Variants in SLC2A9 observed in about 807,000 individuals in gnomAD.
SLC2A9 encodes the protein solute carrier family 2 member 9.
In SLC2A9, 39 loss-of-function variants were observed where a neutral mutation model predicts 50.6. The ratio of observed to expected loss-of-function variants is 0.77; its 90% CI spans 0.60 to 1.01. The LOEUF is 1.01. SLC2A9 is among the 50% of genes least tolerant of loss of function. The pLI is 0.00. For missense variants in SLC2A9, 686 were observed against 677.6 expected, an observed-to-expected ratio of 1.01 and a Z score of -0.14; for synonymous variants, 324 against 276.9, an observed-to-expected ratio of 1.17 and a Z score of -1.69.
chr4:9,974,085 A>C (rs917408793), intron 5 of SLC2A9, among the ~76,000 whole-genome samples: 3 of 152,196 alleles, frequency 2.0e-5, no homozygotes, highest in African/African-American at 7.2e-5. Context: ...AAATCCAACA[A>C]GCCTTAATGA....
chr4:9,809,977 C>T (rs1174722390), intron 3 of SLC2A9, among the ~76,000 whole-genome samples: 1 of 151,820 alleles, frequency 6.6e-6, no homozygotes, highest in Non-Finnish European at 1.5e-5. Context: ...CCACGAGTAA[C>T]ATTTTGATGC....
At chr4:9,794,003 G>T (rs1390998474) in intron 3 of SLC2A9, among the ~76,000 whole-genome samples, 1 of 152,186 alleles carries the variant, frequency 6.6e-6, no homozygotes, top group African/African-American at 2.4e-5. Context: ...TTAAGTAAAT[G>T]ATTAAACGTT....
At chr4:9,811,259 C>T (rs1283333449) in intron 3 of SLC2A9, among the ~76,000 whole-genome samples, 1 of 152,216 alleles carries the variant, frequency 6.6e-6, no homozygotes, top group African/African-American at 2.4e-5. Flanking sequence ...CTGCATGCCC[C>T]TTTGGGATGT....
At chr4:9,783,415 G>T in intron 3 of SLC2A9, 1 of 1,613,886 alleles carries the variant, frequency 6.2e-7, no homozygotes. Flanking sequence ...GCGAGGGGGA[G>T]ATTTCTTTAG....
At chr4:9,953,642 A>G (rs1750694730) in intron 5 of SLC2A9, among the ~76,000 whole-genome samples, 1 of 152,198 alleles carries the variant, frequency 6.6e-6, no homozygotes, top group South Asian at 2.1e-4. Flanking sequence ...TTGTTTTTTG[A>G]GACAGGGTCT....
chr4:9,799,748 G>A (rs530898207), intron 3 of SLC2A9, among the ~76,000 whole-genome samples: 6 of 124,802 alleles, frequency 4.8e-5, no homozygotes, highest in Non-Finnish European at 9.3e-5. Context: ...GTAATCTCAT[G>A]ACCTACAGGT....
At chr4:9,880,826 G>A (rs777388859) in intron 10 of SLC2A9, among the ~76,000 whole-genome samples, 7 of 152,170 alleles carry the variant, frequency 4.6e-5, no homozygotes, top group Non-Finnish European at 1.0e-4. Context: ...CCTTTGCAGG[G>A]GTGGCACTGT....
chr4:9,940,310 G>T (rs866650261), intron 6 of SLC2A9, among the ~76,000 whole-genome samples: 11 of 152,238 alleles, frequency 7.2e-5, no homozygotes, highest in African/African-American at 2.6e-4. Context: ...CTCCTCACTG[G>T]CCACATGGGA....
intron 10 of SLC2A9, among the ~76,000 whole-genome samples, chr4:9,886,111 G>A (rs758058238): frequency 2.8e-4 from 42 of 152,172 alleles, no homozygotes; most frequent in Non-Finnish European, 5.4e-4. Context: ...AGGCCTCACT[G>A]AGCAGCTGAC....
intron 8 of SLC2A9, among the ~76,000 whole-genome samples, chr4:9,906,186 T>G (rs1740629686): frequency 6.6e-6 from 1 of 152,196 alleles, no homozygotes; most frequent in Non-Finnish European, 1.5e-5. Flanking sequence ...GTGGGGAAAC[T>G]GAGTCACAGA....
chr4:9,905,257 T>C (rs937214556), intron 8 of SLC2A9, among the ~76,000 whole-genome samples: 6 of 152,248 alleles, frequency 3.9e-5, no homozygotes, highest in African/African-American at 1.2e-4. Flanking sequence ...CCTGCACCTC[T>C]AGAACAGCAA....
intron 5 of SLC2A9, among the ~76,000 whole-genome samples, chr4:9,947,368 G>A (rs1749376571): frequency 6.6e-6 from 1 of 152,162 alleles, no homozygotes; most frequent in Non-Finnish European, 1.5e-5. Context: ...AGGCTGCTCT[G>A]CATATTTGTG....
intron 3 of SLC2A9, among the ~76,000 whole-genome samples, chr4:9,805,002 G>T (rs1169325985): frequency 6.6e-6 from 1 of 152,164 alleles, no homozygotes; most frequent in Non-Finnish European, 1.5e-5. Context: ...GGGGCCCCAG[G>T]GGAAATGTGG....
chr4:10,012,661 A>C (rs2109449889), intron 2 of SLC2A9, among the ~76,000 whole-genome samples: 1 of 152,290 alleles, frequency 6.6e-6, no homozygotes, highest in South Asian at 2.1e-4. Context: ...CAGAGGCAAG[A>C]AGTAATCAAA....
intron 8 of SLC2A9, among the ~76,000 whole-genome samples, chr4:9,907,422 T>C (rs1443735267): frequency 6.6e-6 from 1 of 152,214 alleles, no homozygotes; most frequent in African/African-American, 2.4e-5. Context: ...CTCCACCAGA[T>C]GTTTGTTTTG....
intron 2 of SLC2A9, chr4:10,006,350 A>G (rs1289919201): frequency 6.6e-6 from 1 of 152,252 alleles, no homozygotes; most frequent in East Asian, 1.9e-4. Context: ...AACGATTCTC[A>G]GGAGTCCTGT....
rs1350117635 is a variant in SLC2A9 at position 9,924,816 on chromosome 4, G to A, written c.815-4244C>T. 2.6e-5 allele frequency among the ~76,000 whole-genome samples: 4 copies of A among 152,144 alleles called. 1 individual carries two copies. The South Asian group carries it at 6.2e-4, about 24-fold the overall frequency. On this transcript the variant is annotated intron_variant, in intron 6 of 11. Transcript: ENST00000264784. ...TCACATAACCCAGACACTGCCTTCC[G>A]TGTCTGATTTGTCTGATCTAGTGAC...
At chr4:9,823,115 C>T (rs1049996346), downstream of SLC2A9, among the ~76,000 whole-genome samples, 5 of 152,128 alleles carry the variant, frequency 3.3e-5, no homozygotes, top group African/African-American at 1.2e-4. Context: ...AGTGTGCTTA[C>T]TTAGCCAGAA....
intron 10 of SLC2A9, among the ~76,000 whole-genome samples, chr4:9,873,727 C>T (rs1399530351): frequency 6.6e-6 from 1 of 152,166 alleles, no homozygotes; most frequent in Non-Finnish European, 1.5e-5. Flanking sequence ...TAGCTGAGAT[C>T]AAAGAAGCCT....
Sources: allele counts gnomAD v4.1 joint callset (sites outside exome capture counted in the v4.1 genomes callset), GRCh38; gene constraint gnomAD v4.1.1; transcripts MANE v1.5; gene names NCBI Gene and HGNC (gene_info 2026-07-23, HGNC 2026-07-21).